ZFAT: variants seen among roughly 807,000 people sequenced by gnomAD.
ZFAT encodes zinc finger protein ZFAT.
A neutral mutation model predicts 117.7 loss-of-function variants in ZFAT; 64 were observed. The observed-to-expected ratio is 0.54, with a 90% CI of 0.44 to 0.67. The LOEUF is 0.67. Ranked by LOEUF, ZFAT falls within the 30% of genes least tolerant of loss-of-function variation. The pLI is 0.00. For synonymous variants in ZFAT, 679 were observed against 615.0 expected, an observed-to-expected ratio of 1.10 and a Z score of -1.54; for missense variants, 1,433 against 1,584.5, an observed-to-expected ratio of 0.90 and a Z score of 1.62.
At chr8:134,608,689 G>A in intron 5 of ZFAT, 40 bp downstream of exon 5, 1 of 1,596,186 alleles carries the variant, frequency 6.3e-7, no homozygotes, top group South Asian at 1.1e-5. Context: ...TCACTCACAT[G>A]CAACCTCTGG....
chr8:134,650,857 T>C (rs1330759736), intron 2 of ZFAT, among the ~76,000 whole-genome samples: 1 of 152,192 alleles, frequency 6.6e-6, no homozygotes, highest in Non-Finnish European at 1.5e-5. Flanking sequence ...TAACCACATG[T>C]AAAAGAACAA....
chr8:134,713,513 C>T (rs1169885380), upstream of ZFAT, among the ~76,000 whole-genome samples: 1 of 152,194 alleles, frequency 6.6e-6, no homozygotes, highest in East Asian at 1.9e-4. Flanking sequence ...TCCTTTGGGC[C>T]ACCCGGCTGG....
chr8:134,538,120 G>A lies in ZFAT; in HGVS notation c.2977-5148C>T, dbSNP rs1195118146. 2.0e-5 allele frequency among the ~76,000 whole-genome samples: 3 copies of A among 152,204 alleles called. No homozygotes were observed. In the East Asian group the frequency reaches 5.8e-4, roughly 29 times the overall value. On this transcript the variant is annotated intron_variant, in intron 11 of 15. Transcript: ENST00000377838. ...TGGCCATGGAAAGAGTATATCAAGT[G>A]AGAAGAGAAGCAGGATTGGATCAGC...
the ZFAT span, among the ~76,000 whole-genome samples, chr8:134,727,447 TTC>T: frequency 5.6e-4 from 86 of 152,264 alleles, no homozygotes; most frequent in African/African-American, 1.3e-3. Context: ...CTATCTGCCT[TTC>T]TCTCTCTCTG....
chr8:134,764,533 A>G, the ZFAT span, among the ~76,000 whole-genome samples: 1 of 152,246 alleles, frequency 6.6e-6, no homozygotes, highest in South Asian at 2.1e-4. Context: ...CCTGGAAAAT[A>G]AATTAGATAA....
At chr8:134,705,957 G>A (rs1834141067) in intron 1 of ZFAT, among the ~76,000 whole-genome samples, 1 of 152,148 alleles carries the variant, frequency 6.6e-6, no homozygotes, top group Non-Finnish European at 1.5e-5. Context: ...TGCAAATTAA[G>A]GGAGATACCA....
chr8:134,802,641 C>G, the ZFAT span, among the ~76,000 whole-genome samples: 1 of 152,172 alleles, frequency 6.6e-6, no homozygotes, highest in African/African-American at 2.4e-5. Flanking sequence ...AGACCATATA[C>G]TCAGGATAAA....
intron 14 of ZFAT, among the ~76,000 whole-genome samples, chr8:134,511,255 G>T (rs1018675174): frequency 2.6e-5 from 4 of 152,000 alleles, no homozygotes; most frequent in Non-Finnish European, 4.4e-5. Flanking sequence ...GTGTGTGGGG[G>T]GTGTGTGTGT....
At chr8:134,827,529 G>A in the ZFAT span, among the ~76,000 whole-genome samples, 7 of 151,866 alleles carry the variant, frequency 4.6e-5, no homozygotes, top group Non-Finnish European at 7.4e-5. Flanking sequence ...GCACTTTGGG[G>A]GGCCCAGGAG....
At chr8:134,655,085 T>C (rs1450736223) in intron 2 of ZFAT, among the ~76,000 whole-genome samples, 1 of 152,134 alleles carries the variant, frequency 6.6e-6, no homozygotes, top group African/African-American at 2.4e-5. Context: ...GGCCTTTGCA[T>C]TCAGTTGCTC....
At chr8:134,585,094 T>C (rs1825976169) in intron 9 of ZFAT, among the ~76,000 whole-genome samples, 1 of 152,124 alleles carries the variant, frequency 6.6e-6, no homozygotes, top group Admixed American at 6.5e-5. Context: ...TGGGTCATAG[T>C]TCTCATCTCT....
At chr8:134,714,927 C>T (rs777663712), upstream of ZFAT, among the ~76,000 whole-genome samples, 31 of 152,334 alleles carry the variant, frequency 2.0e-4, no homozygotes, top group Non-Finnish European at 2.9e-4. Context: ...CGTCCTCCAC[C>T]ACAAGATACA....
At position 134,700,322 on chromosome 8, in the gene ZFAT, G is replaced by A. The variant is rs1273138410; in HGVS notation, c.19+12523C>T. Among the ~76,000 whole-genome samples, 6 of 152,206 alleles carry A rather than the reference G, an allele frequency of 3.9e-5. No individual in the cohort carries two copies. The East Asian group carries it at 9.6e-4, about 24-fold the overall frequency. ...CCAGAGCCCACATTTCTGAGGTGGGGGACCCCACAAACACCCAACTCAGCA... is the reference window on the plus strand; with the variant it reads ...CCAGAGCCCACATTTCTGAGGTGGGAGACCCCACAAACACCCAACTCAGCA... On this transcript the variant is annotated intron_variant, in intron 1 of 15. Coordinates refer to ENST00000377838, the MANE Select transcript of ZFAT (RefSeq NM_020863.4).
chr8:134,565,226 C>T (rs770123876), intron 11 of ZFAT, 107 bp downstream of exon 11: 20 of 1,564,334 alleles, frequency 1.3e-5, no homozygotes, highest in South Asian at 5.8e-5. Context: ...GGCCCCAAAG[C>T]GAAGGTAAAA....
Position 134,600,602 on chromosome 8 carries a change from T to C in ZFAT, c.2309A>G (p.Tyr770Cys). The C allele has an allele frequency of 6.2e-7, 1 of 1,614,038 alleles. No homozygotes were observed. Among genetic ancestry groups the C allele is most frequent in the East Asian group, 2.2e-5 (1 of 44,884 alleles). The stretch of plus-strand genomic sequence containing the variant: ...AGAATAATGACACTGAGAGCAATAA[T>C]ACAGATGTTCCCGGGTGTGGGTGCG... The part of the protein sequence containing the change: ...HVRTHTREHL[Y>C]YCSQCHYSSI... The change falls in exon 7 of 16, where the codon TAT becomes TGT. Residue 770 changes from tyrosine (Y) to cysteine (C), a missense_variant. This residue lies in a region of ZFAT where 49 missense variants were observed against 81.5 expected (regional missense o/e 0.60). Coordinates refer to ENST00000377838, the MANE Select transcript of ZFAT (RefSeq NM_020863.4).
At chr8:134,663,777 A>C (rs1022854893) in intron 1 of ZFAT, among the ~76,000 whole-genome samples, 14 of 152,190 alleles carry the variant, frequency 9.2e-5, no homozygotes, top group African/African-American at 3.4e-4. Context: ...ATTTTCTACA[A>C]TGAGTCTAAA....
At chr8:134,509,864 G>T in intron 14 of ZFAT, 115 bp from the exon 15 acceptor site, 3 of 1,330,226 alleles carry the variant, frequency 2.3e-6, no homozygotes, top group Non-Finnish European at 3.1e-6. Context: ...GGATGCATGG[G>T]CTCTCCGTAA....
At chr8:134,655,938 C>T (rs1373173061) in intron 2 of ZFAT, among the ~76,000 whole-genome samples, 1 of 152,110 alleles carries the variant, frequency 6.6e-6, no homozygotes, top group Non-Finnish European at 1.5e-5. Flanking sequence ...CCTGTAGTCA[C>T]AGCTGCTCAG....
At chr8:134,731,443 T>G in the ZFAT span, among the ~76,000 whole-genome samples, 1 of 152,250 alleles carries the variant, frequency 6.6e-6, no homozygotes, top group African/African-American at 2.4e-5. Flanking sequence ...AAGGGCCAGA[T>G]AGTATTTTCA....
Sources: gnomAD v4.1 joint callset for allele counts (sites outside exome capture counted in the v4.1 genomes callset) on GRCh38, gnomAD v4.1.1 for gene constraint, gnomAD v4.1.1 regional missense constraint, MANE v1.5 for transcripts, NCBI Gene and HGNC (gene_info 2026-07-23, HGNC 2026-07-21) for gene names.